Variants in PRSS21 observed in about 807,000 individuals in gnomAD.
The protein encoded by PRSS21 is serine protease 21.
Under a neutral mutation model 31.1 loss-of-function variants are expected in PRSS21, and 40 were observed. That is an observed-to-expected ratio of 1.29 (90% CI 1.00 to 1.68). The LOEUF (loss-of-function observed/expected upper bound fraction) is 1.68, where lower values mean the gene tolerates loss of function less well. Ranked by LOEUF, PRSS21 falls within the 40% of genes most tolerant of loss-of-function variation. The probability of loss-of-function intolerance (pLI) is 0.00; values close to 1 mark genes in which losing one functional copy is unlikely to be tolerated. For synonymous variants in PRSS21, 186 were observed against 167.7 expected (o/e 1.11, Z -0.84); for missense variants, 467 against 412.6 (o/e 1.13, Z -1.14).
At position 2,819,552 on chromosome 16, in the gene PRSS21, C is replaced by T. The variant is rs182930767; in HGVS notation, c.550+583C>T. On this transcript the variant is annotated intron_variant, in intron 4 of 5. Coordinates refer to ENST00000005995, the MANE Select transcript of PRSS21 (RefSeq NM_006799.4). ...GGAGCCCCGGCAGCCCCAGACTGGG[C>T]GTGTTCCCTGTATCAGGAATCCCTT... Among the ~76,000 whole-genome samples the T allele has an allele frequency of 6.1e-3, 928 of 152,308 alleles. 3 individuals carry two copies. The highest frequency in any genetic ancestry group is 9.9e-3 in the Non-Finnish European group (674 of 68,014).
At position 2,821,417 on chromosome 16, in the gene PRSS21, ATTGGAGT is replaced by A. The variant is rs759329503; in HGVS notation, c.758_764del (p.Ile253ThrfsTer2). The A allele has an allele frequency of 6.2e-7, 1 of 1,614,192 alleles. No homozygotes were observed. The highest frequency in any genetic ancestry group is 1.1e-5 in the South Asian group (1 of 91,092). On this transcript the variant is annotated frameshift_variant, in exon 6 of 6. Coordinates refer to ENST00000005995, the MANE Select transcript of PRSS21 (RefSeq NM_006799.4). LOFTEE classifies it low-confidence loss of function (END_TRUNC). The stretch of plus-strand genomic sequence containing the variant: ...TAACAAGAATGGACTGTGGTATCAG[ATTGGAGT>A]CGTGAGCTGGGGAGTGGGCTGTGGT...
Position 2,817,516 on chromosome 16 carries a change from C to T in PRSS21, c.91+60C>T. 2 of 741,226 alleles carry T rather than the reference C, an allele frequency of 2.7e-6. No homozygotes were observed. Among genetic ancestry groups the T allele is most frequent in the East Asian group, 4.2e-5 (1 of 23,998 alleles). 45.9% of individuals were successfully genotyped at this position (741,226 alleles called of 1,614,324 possible). On this transcript the variant is annotated intron_variant, in intron 2 of 5. Coordinates refer to ENST00000005995, the MANE Select transcript of PRSS21 (RefSeq NM_006799.4). The surrounding 1 kb of genome is among the most constrained non-coding windows in gnomAD (Gnocchi z 4.2). ...CCGTTGGGCCGAGGTGGACGGGGGGCGGTGAGGGGGTAGAGGGGGGCCTTT... is the reference window on the plus strand; with the variant it reads ...CCGTTGGGCCGAGGTGGACGGGGGGTGGTGAGGGGGTAGAGGGGGGCCTTT...
At chr16:2,819,671 G>A (rs2069138608) in intron 4 of PRSS21, among the ~76,000 whole-genome samples, 1 of 152,234 alleles carries the variant, frequency 6.6e-6, no homozygotes, top group East Asian at 1.9e-4. Flanking sequence ...TGTGTGCCTG[G>A]CACTGTTCTA....
rs1420403161 is a variant in PRSS21 at position 2,818,915 on chromosome 16, G to C, written c.496G>C (p.Glu166Gln). ...ICLQASTFEF[E>Q]NRTDCWVTGW... ...TCTCCAGGCCTCCACATTTGAGTTTGAGAACCGGACAGACTGCTGGGTGAC... is the reference window on the plus strand; with the variant it reads ...TCTCCAGGCCTCCACATTTGAGTTTCAGAACCGGACAGACTGCTGGGTGAC... Residue 166 changes from glutamate to glutamine, a missense_variant, in exon 4 of 6, where the codon GAG becomes CAG. Coordinates refer to ENST00000005995, the MANE Select transcript of PRSS21 (RefSeq NM_006799.4). The C allele has an allele frequency of 6.2e-7, 1 of 1,614,122 alleles. No individual in the cohort carries two copies. The highest frequency in any genetic ancestry group is 8.5e-7 in the Non-Finnish European group (1 of 1,180,046).
Position 2,817,529 on chromosome 16 carries a change from GA to G in PRSS21, c.91+74del, listed in dbSNP as rs111876704. ...GTGGACGGGGGGCGGTGAGGGGGTA[GA>G]GGGGGGCCTTTACTGCTCTCTCGCC... On this transcript the variant is annotated intron_variant, in intron 2 of 5. Coordinates refer to ENST00000005995, the MANE Select transcript of PRSS21 (RefSeq NM_006799.4). The surrounding 1 kb of genome is among the most constrained non-coding windows in gnomAD (Gnocchi z 4.2). 0.34 allele frequency: 364,739 copies of G among 1,062,358 alleles called. 88,518 individuals carry two copies. Among genetic ancestry groups the G allele is most frequent in the African/African-American group, 0.77 (44,390 of 57,688 alleles). 65.8% of individuals were successfully genotyped at this position (1,062,358 alleles called of 1,614,324 possible). A position where few individuals can be genotyped will look rare whatever the true frequency, so the allele number is the denominator to read the frequency against.
intron 4 of PRSS21, among the ~76,000 whole-genome samples, chr16:2,819,188 G>T (rs564841849): frequency 6.6e-6 from 1 of 152,148 alleles, no homozygotes; most frequent in Admixed American, 6.5e-5. Flanking sequence ...CCAGTTTGGC[G>T]CAGGCCTGTG....
rs1408985825 is a variant in PRSS21, at chr16:2,818,864, T to G, written c.445T>G (p.Tyr149Asp). The G allele has an allele frequency of 2.5e-6, 4 of 1,614,056 alleles. No individual in the cohort carries two copies. Among genetic ancestry groups the G allele is most frequent in the African/African-American group, 2.7e-5 (2 of 74,940 alleles). ...GGTGAAGCTGTCTGCACCTGTCACC[T>G]ACACTAAACACATCCAGCCCATCTG... is the stretch of plus-strand genomic sequence containing the variant. Reference protein sequence around the residue: ...ALVKLSAPVTYTKHIQPICLQ... With the variant: ...ALVKLSAPVTDTKHIQPICLQ... Residue 149 changes from tyrosine (Y) to aspartate (D), a missense_variant, in exon 4 of 6, where the codon TAC becomes GAC. By Grantham distance (160) the Tyr-to-Asp change is radical. Transcript: ENST00000005995.
chr16:2,820,890 A>T (rs545198626), intron 4 of PRSS21, 65 bp from the exon 5 acceptor site: 781 of 1,546,104 alleles, frequency 5.1e-4, no homozygotes, highest in Non-Finnish European at 6.7e-4. Context: ...CCCGCAGCCT[A>T]TGCCATCCCT....
In PRSS21 at chr16:2,817,498, G is replaced by A. The variant is rs761839270; in HGVS notation, c.91+42G>A. The A allele has an allele frequency of 1.6e-4, 233 of 1,481,426 alleles. No homozygotes were observed. In the Middle Eastern group the frequency reaches 1.7e-3, roughly 11 times the overall value. 91.8% of individuals were successfully genotyped at this position (1,481,426 alleles called of 1,614,324 possible). ...GCGCGATTCCTGCCAGGGCCGTTGGGCCGAGGTGGACGGGGGGCGGTGAGG... is the reference window on the plus strand; with the variant it reads ...GCGCGATTCCTGCCAGGGCCGTTGGACCGAGGTGGACGGGGGGCGGTGAGG... On this transcript the variant is annotated intron_variant, in intron 2 of 5. Coordinates refer to ENST00000005995, the MANE Select transcript of PRSS21 (RefSeq NM_006799.4). This position sits in a 1 kb window ranked among gnomAD's most constrained non-coding sequence, Gnocchi z 4.2.
chr16:2,819,252 T>C (rs2150810048), intron 4 of PRSS21, among the ~76,000 whole-genome samples: 1 of 152,218 alleles, frequency 6.6e-6, no homozygotes, highest in African/African-American at 2.4e-5. Context: ...AACCTCATAC[T>C]TGGATTTATT....
At chr16:2,819,828 A>C (rs1040797158) in intron 4 of PRSS21, among the ~76,000 whole-genome samples, 1 of 152,280 alleles carries the variant, frequency 6.6e-6, no homozygotes, top group Non-Finnish European at 1.5e-5. Flanking sequence ...GTAAATGGAG[A>C]AGTCAGGGCC....
rs367563111 is a variant in PRSS21 at position 2,821,030 on chromosome 16, T to C, written c.626T>C (p.Leu209Pro). The C allele has an allele frequency of 1.4e-5, 22 of 1,614,044 alleles. No homozygotes were observed. The highest frequency in any genetic ancestry group is 1.6e-4 in the Middle Eastern group (1 of 6,084). The change falls in exon 5 of 6, where the codon CTC (leucine) becomes CCC (proline). Residue 209 changes from leucine to proline, a missense_variant. By Grantham distance (98) the Leu-to-Pro change is moderately conservative. Coordinates refer to ENST00000005995, the MANE Select transcript of PRSS21 (RefSeq NM_006799.4). ...AACTCTATGTGCAACCACCTCTTCC[T>C]CAAGTACAGTTTCCGCAAGGACATC... Reference protein sequence around the residue: ...INNSMCNHLFLKYSFRKDIFG... With the variant: ...INNSMCNHLFPKYSFRKDIFG...
chr16:2,819,393 C>T (rs552600447), intron 4 of PRSS21, among the ~76,000 whole-genome samples: 11 of 152,334 alleles, frequency 7.2e-5, no homozygotes, highest in Non-Finnish European at 1.6e-4. Flanking sequence ...CATTCCTCTC[C>T]CCAGAAACTT....
Position 2,817,364 on chromosome 16 carries a change from A to G in PRSS21, c.64+32A>G. 6.9e-7 allele frequency: 1 copy of G among 1,450,606 alleles called. No individual in the cohort carries two copies. Among genetic ancestry groups the G allele is most frequent in the Admixed American group, 1.8e-5 (1 of 56,602 alleles). The allele number at this position is 1,450,606 out of a possible 1,614,324, so 89.9% of individuals were successfully genotyped here. On this transcript the variant is annotated intron_variant, in intron 1 of 5. Coordinates refer to ENST00000005995, the MANE Select transcript of PRSS21 (RefSeq NM_006799.4). The surrounding 1 kb of genome is among the most constrained non-coding windows in gnomAD (Gnocchi z 4.2). ...TCGGGGCGCTGCTGGCGGGATGGGG[A>G]GGCGGGGGAGCGGTGGGGAGGACGG...
Position 2,817,496 on chromosome 16 carries a change from G to T in PRSS21, c.91+40G>T. ...ACGCGCGATTCCTGCCAGGGCCGTT[G>T]GGCCGAGGTGGACGGGGGGCGGTGA... On this transcript the variant is annotated intron_variant, in intron 2 of 5. Coordinates refer to ENST00000005995, the MANE Select transcript of PRSS21 (RefSeq NM_006799.4). The surrounding 1 kb of genome is among the most constrained non-coding windows in gnomAD (Gnocchi z 4.2). The T allele has an allele frequency of 6.5e-7, 1 of 1,537,376 alleles. No homozygotes were observed. The highest frequency in any genetic ancestry group is 2.3e-5 in the East Asian group (1 of 42,624).
At chr16:2,821,184 AC>A (rs1243228955) in intron 5 of PRSS21, 75 bp downstream of exon 5, 19 of 1,583,196 alleles carry the variant, frequency 1.2e-5, no homozygotes, top group Non-Finnish European at 8.6e-7. Context: ...CCTCATGCCA[AC>A]CCCGGGAGGT....
chr16:2,819,703 G>T (rs1391630701), intron 4 of PRSS21, among the ~76,000 whole-genome samples: 1 of 152,242 alleles, frequency 6.6e-6, no homozygotes, highest in Non-Finnish European at 1.5e-5. Flanking sequence ...CCAGCAGTGA[G>T]CCAGGCGCGG....
intron 4 of PRSS21, 54 bp downstream of exon 4, chr16:2,819,023 C>G (rs2069129164): frequency 6.3e-7 from 1 of 1,585,310 alleles, no homozygotes; most frequent in Admixed American, 1.7e-5. Context: ...CACCTGTTCC[C>G]CTGCATAGGC....
rs2069166270 is a variant in PRSS21 at position 2,821,082 on chromosome 16, T to C, written c.678T>C (p.Asn226=). Residue 226 remains asparagine, a synonymous_variant, in exon 5 of 6, where the codon AAT becomes AAC. Coordinates refer to ENST00000005995, the MANE Select transcript of PRSS21 (RefSeq NM_006799.4). ...DIFGDMVCAG[N]AQGGKDACFG... ...TTGGAGACATGGTTTGTGCTGGCAA[T>C]GCCCAAGGCGGGAAGGATGCCTGCT... 2 of 1,614,032 alleles carry C rather than the reference T, an allele frequency of 1.2e-6. No homozygotes were observed. The highest frequency in any genetic ancestry group is 3.3e-5 in the Admixed American group (2 of 60,012).
Sources: allele counts gnomAD v4.1 joint callset (sites outside exome capture counted in the v4.1 genomes callset), GRCh38; gene constraint gnomAD v4.1.1; non-coding constraint Gnocchi (gnomAD v3.1); transcripts MANE v1.5; gene names NCBI Gene and HGNC (gene_info 2026-07-23, HGNC 2026-07-21).